HEPACAM: variants seen among roughly 807,000 people sequenced by gnomAD.
HEPACAM encodes hepatocyte cell adhesion molecule.
A neutral mutation model predicts 38.3 loss-of-function variants in HEPACAM; 18 were observed. The observed-to-expected ratio is 0.47, with a 90% confidence interval of 0.33 to 0.70. The LOEUF is 0.70. Among genes scored for constraint, HEPACAM ranks in the 30% least tolerant of loss-of-function variants. The probability of loss-of-function intolerance (pLI) is 0.03; values close to 1 mark genes in which losing one functional copy is unlikely to be tolerated. For synonymous variants in HEPACAM, 216 were observed against 243.1 expected, an observed-to-expected ratio of 0.89 and a Z score of 1.04; for missense variants, 466 against 563.0, an observed-to-expected ratio of 0.83 and a Z score of 1.74.
chr11:124,923,598 C>T (rs1195893502), intron 3 of HEPACAM, 131 bp downstream of exon 3: 1 of 1,238,926 alleles, frequency 8.1e-7, no homozygotes, highest in Non-Finnish European at 1.2e-6. Context: ...CTGTTGGTGT[C>T]CTCCATGGAT....
At position 124,919,715 on chromosome 11, in the gene HEPACAM, TG is replaced by T; in HGVS notation, c.*1422del. The T allele has an allele frequency of 6.2e-7, 1 of 1,607,372 alleles. No homozygotes were observed. Among genetic ancestry groups the T allele is most frequent in the Non-Finnish European group, 8.5e-7 (1 of 1,176,748 alleles). On this transcript the variant is annotated 3_prime_UTR_variant, in exon 7 of 7. Coordinates refer to ENST00000298251, the MANE Select transcript of HEPACAM (RefSeq NM_152722.5). ...GGCAAACTAGAAATGTCAGTGCCTTTGGGGCTGAGACAAAACTTGACCTGGT... is the reference window on the plus strand; with the variant it reads ...GGCAAACTAGAAATGTCAGTGCCTTTGGGCTGAGACAAAACTTGACCTGGT...
At position 124,935,805 on chromosome 11, in the gene HEPACAM, G is replaced by C. The variant is rs564995794; in HGVS notation, c.85+117C>G. 81 of 817,364 alleles carry C rather than the reference G, an allele frequency of 9.9e-5. No homozygotes were observed. The African/African-American group carries it at 1.2e-3, about 12-fold the overall frequency. The allele number at this position is 817,364 out of a possible 1,614,324, so 50.6% of individuals were successfully genotyped here. A position where few individuals can be genotyped will look rare whatever the true frequency, so the allele number is the denominator to read the frequency against. On this transcript the variant is annotated intron_variant, in intron 1 of 6. Transcript: ENST00000298251. Reference sequence around the variant, plus strand: ...ATTCCCTGACATGTTTCCCACGGCAGCTGAACTCTCCCCCACTCCTGCCCC... The same window carrying C: ...ATTCCCTGACATGTTTCCCACGGCACCTGAACTCTCCCCCACTCCTGCCCC...
chr11:124,922,951 G>C, intron 4 of HEPACAM, 133 bp from the exon 5 acceptor site: 1 of 916,420 alleles, frequency 1.1e-6, no homozygotes, highest in South Asian at 1.3e-5. Context: ...TACAGTTCAT[G>C]AGCTTTGGAA....
At chr11:124,929,287 C>T (rs997992481) in intron 1 of HEPACAM, among the ~76,000 whole-genome samples, 1 of 152,228 alleles carries the variant, frequency 6.6e-6, no homozygotes, top group African/African-American at 2.4e-5. Context: ...GATAAGTCCC[C>T]TCATCATGCC....
rs988063336 is a variant in HEPACAM at position 124,921,058 on chromosome 11, G to T, written c.*80C>A. On this transcript the variant is annotated 3_prime_UTR_variant, in exon 7 of 7. Transcript: ENST00000298251. The surrounding 1 kb of genome is among the most constrained non-coding windows in gnomAD (Gnocchi z 4.6). ...CCTCCCCTCGTCCCCAGCGCGCCGC[G>T]CCCGGGCTTCCCAGCCCCAGCTTTC... 13 of 1,466,140 alleles carry T rather than the reference G, an allele frequency of 8.9e-6. No individual in the cohort carries two copies. The African/African-American group carries it at 1.3e-4, about 15-fold the overall frequency. The allele number at this position is 1,466,140 out of a possible 1,614,324, so 90.8% of individuals were successfully genotyped here. A position where few individuals can be genotyped will look rare whatever the true frequency, so the allele number is the denominator to read the frequency against.
At chr11:124,933,868 T>G (rs1326666784) in intron 1 of HEPACAM, among the ~76,000 whole-genome samples, 1 of 152,220 alleles carries the variant, frequency 6.6e-6, no homozygotes. Context: ...AGGCTTCTAG[T>G]CCTTCTGTCT....
chr11:124,924,149 C>T lies in HEPACAM; in HGVS notation c.428-139G>A, dbSNP rs1947177066. ...GTGGGCTGAGAAGACTTCAGACATC[C>T]TAAGTCCAGTTCTTTCCCATCGCTT... On this transcript the variant is annotated intron_variant, in intron 2 of 6. Transcript: ENST00000298251. This position sits in a 1 kb window ranked among gnomAD's most constrained non-coding sequence, Gnocchi z 4.4. The T allele has an allele frequency of 1.2e-6, 1 of 817,548 alleles. No homozygotes were observed. Among genetic ancestry groups the T allele is most frequent in the Non-Finnish European group, 2.0e-6 (1 of 501,148 alleles). 50.6% of individuals were successfully genotyped at this position (817,548 alleles called of 1,614,324 possible).
At chr11:124,923,292 G>A (rs1158446241) in intron 4 of HEPACAM, 48 bp downstream of exon 4, 3 of 1,218,230 alleles carry the variant, frequency 2.5e-6, no homozygotes, top group Non-Finnish European at 3.7e-6. Context: ...TGGGGCTTAG[G>A]TTTGGGATGG....
rs1420678102 is a variant in HEPACAM, at chr11:124,924,705, C to T, written c.427+23G>A. ...CTAGTCCCACCTGCCAGTCTTGCCTCTTTCCCTGCCAGAGCGCTTTACCAT... is the reference window on the plus strand; with the variant it reads ...CTAGTCCCACCTGCCAGTCTTGCCTTTTTCCCTGCCAGAGCGCTTTACCAT... On this transcript the variant is annotated intron_variant, in intron 2 of 6. Transcript: ENST00000298251. The surrounding 1 kb of genome is among the most constrained non-coding windows in gnomAD (Gnocchi z 4.4). 6.2e-7 allele frequency: 1 copy of T among 1,604,660 alleles called. No individual in the cohort carries two copies. The highest frequency in any genetic ancestry group is 8.5e-7 in the Non-Finnish European group (1 of 1,171,534).
chr11:124,923,790 G>A lies in HEPACAM; in HGVS notation c.648C>T (p.Ser216=), dbSNP rs1591548760. 10 of 1,614,218 alleles carry A rather than the reference G, an allele frequency of 6.2e-6. No individual in the cohort carries two copies. The highest frequency in any genetic ancestry group is 8.5e-6 in the Non-Finnish European group (10 of 1,180,042). ...GGCTGATGGGGTTCTCCACCATGCA[G>A]CTGTACAGGTCGTCATCCTCCATGA... ...RVLMEDDDLY[S]CMVENPISQG... The change falls in exon 3 of 7, where the codon AGC becomes AGT. Residue 216 remains serine, a synonymous_variant. Coordinates refer to ENST00000298251, the MANE Select transcript of HEPACAM (RefSeq NM_152722.5).
intron 1 of HEPACAM, among the ~76,000 whole-genome samples, chr11:124,926,502 C>G (rs1217866724): frequency 6.6e-6 from 1 of 152,168 alleles, no homozygotes; most frequent in African/African-American, 2.4e-5. Context: ...TCAGAGACCT[C>G]TTAGGAGCTT....
At chr11:124,934,974 T>C (rs1432313637) in intron 1 of HEPACAM, among the ~76,000 whole-genome samples, 2 of 152,206 alleles carry the variant, frequency 1.3e-5, no homozygotes, top group Non-Finnish European at 2.9e-5. Context: ...TGCTGGGCTC[T>C]GACTAAACAC....
Position 124,924,743 on chromosome 11 carries a change from T to C in HEPACAM, c.412A>G (p.Asn138Asp). 1 of 1,613,438 alleles carries C rather than the reference T, an allele frequency of 6.2e-7. No homozygotes were observed. The highest frequency in any genetic ancestry group is 8.5e-7 in the Non-Finnish European group (1 of 1,179,358). ...AGCGCTTTACCATCTACAGTAAGGT[T>C]GATGGTCTTCTCCCCAGTGAAGGTG... The part of the protein sequence containing the change: ...DDTFTGEKTI[N>D]LTVDVPISRP... The change falls in exon 2 of 7, where the codon AAC becomes GAC. Residue 138 changes from asparagine to aspartate, a missense_variant. Coordinates refer to ENST00000298251, the MANE Select transcript of HEPACAM (RefSeq NM_152722.5). The surrounding 1 kb of genome is among the most constrained non-coding windows in gnomAD (Gnocchi z 4.4).
At position 124,919,731 on chromosome 11, in the gene HEPACAM, C is replaced by A. The variant is rs1203820115; in HGVS notation, c.*1407G>T. On this transcript the variant is annotated 3_prime_UTR_variant, in exon 7 of 7. Coordinates refer to ENST00000298251, the MANE Select transcript of HEPACAM (RefSeq NM_152722.5). ...CAGTGCCTTTGGGGCTGAGACAAAA[C>A]TTGACCTGGTGTGGAGGTGATGGGT... 1 of 1,611,256 alleles carries A rather than the reference C, an allele frequency of 6.2e-7. No homozygotes were observed. The highest frequency in any genetic ancestry group is 8.5e-7 in the Non-Finnish European group (1 of 1,178,624).
chr11:124,931,010 G>A lies in HEPACAM; in HGVS notation c.85+4912C>T, dbSNP rs545439110. On this transcript the variant is annotated intron_variant, in intron 1 of 6. Transcript: ENST00000298251. ...TACTTTAGACTCAGTAAAATTAAGA[G>A]CTTCTATTCATCAAAAGATACCATT... Among the ~76,000 whole-genome samples the A allele has an allele frequency of 4.7e-4, 71 of 152,276 alleles. No homozygotes were observed. In the South Asian group the frequency reaches 0.014, roughly 30 times the overall value.
At chr11:124,930,985 T>C (rs1349168907) in intron 1 of HEPACAM, among the ~76,000 whole-genome samples, 3 of 152,334 alleles carry the variant, frequency 2.0e-5, no homozygotes, top group Admixed American at 6.5e-5. Context: ...AAGGAAATGA[T>C]ACTTTAGACT....
rs748721832 is a variant in HEPACAM at position 124,923,716 on chromosome 11, C to T, written c.709+13G>A. On this transcript the variant is annotated intron_variant, in intron 3 of 6. Coordinates refer to ENST00000298251, the MANE Select transcript of HEPACAM (RefSeq NM_152722.5). ...GCTTTGAGTACTAAAGGAAAGCCTGCGGGGAAACTCACTGTATACGGTGAT... is the reference window on the plus strand; with the variant it reads ...GCTTTGAGTACTAAAGGAAAGCCTGTGGGGAAACTCACTGTATACGGTGAT... 9.5e-5 allele frequency: 153 copies of T among 1,613,808 alleles called. No homozygotes were observed. Among genetic ancestry groups the T allele is most frequent in the Non-Finnish European group, 1.2e-4 (142 of 1,179,974 alleles).
chr11:124,931,404 A>T (rs991957901), intron 1 of HEPACAM, among the ~76,000 whole-genome samples: 4 of 152,132 alleles, frequency 2.6e-5, no homozygotes, highest in African/African-American at 7.2e-5. Flanking sequence ...AAGAGATCTT[A>T]CTACATTGCC....
intron 1 of HEPACAM, among the ~76,000 whole-genome samples, chr11:124,929,012 G>T (rs1304751480): frequency 6.6e-6 from 1 of 152,080 alleles, no homozygotes; most frequent in Admixed American, 6.5e-5. Flanking sequence ...CAAACTTTGA[G>T]GATTCTCATT....
Sources: gnomAD v4.1 joint callset for allele counts (sites outside exome capture counted in the v4.1 genomes callset) on GRCh38, gnomAD v4.1.1 for gene constraint, Gnocchi (gnomAD v3.1) non-coding constraint, MANE v1.5 for transcripts, NCBI Gene and HGNC (gene_info 2026-07-23, HGNC 2026-07-21) for gene names.